CNTNAP3: variants seen among roughly 807,000 people sequenced by gnomAD.
The protein encoded by CNTNAP3 is contactin associated protein family member 3.
In CNTNAP3, 36 loss-of-function variants were observed where a neutral mutation model predicts 92.1. The observed-to-expected ratio is 0.39, with a 90% CI of 0.30 to 0.52. The LOEUF (loss-of-function observed/expected upper bound fraction) is 0.52. CNTNAP3 is among the 20% of genes least tolerant of loss of function. The pLI is 0.76. For missense variants in CNTNAP3, 534 were observed against 1,069.6 expected, an observed-to-expected ratio of 0.50 and a Z score of 6.98; for synonymous variants, 232 against 422.3, an observed-to-expected ratio of 0.55 and a Z score of 5.53.
intron 12 of CNTNAP3, 69 bp from the exon 13 acceptor site, chr9:39,133,204 C>A (rs1393995632): frequency 1.1e-5 from 16 of 1,496,150 alleles, no homozygotes; most frequent in African/African-American, 2.8e-5. Flanking sequence ...GCAAAGCAGA[C>A]CTGTCTTTTA....
intron 13 of CNTNAP3, among the ~76,000 whole-genome samples, chr9:39,121,968 A>T (rs1821033792): frequency 6.6e-6 from 1 of 152,096 alleles, no homozygotes; most frequent in Non-Finnish European, 1.5e-5. Flanking sequence ...TTCTTTTCTT[A>T]CCCAAGGGAA....
At chr9:39,210,246 GC>G (rs1822605850) in intron 3 of CNTNAP3, among the ~76,000 whole-genome samples, 1 of 24,778 alleles carries the variant, frequency 4.0e-5, no homozygotes, top group African/African-American at 6.7e-5. Context: ...CCCGAGAGCA[GC>G]CATTCCCCCA....
rs564510874 is a variant in CNTNAP3, at chr9:39,130,383, C to T, written c.2080+2549G>A. Reference sequence around the variant, plus strand: ...ATTACACAGAGTGAAAAAAACTCAACCACAAAGAGTACATACTATATAATT... The same window carrying T: ...ATTACACAGAGTGAAAAAAACTCAATCACAAAGAGTACATACTATATAATT... On this transcript the variant is annotated intron_variant, in intron 13 of 23. Transcript: ENST00000297668. Among the ~76,000 whole-genome samples, 127 of 151,746 alleles carry T rather than the reference C, an allele frequency of 8.4e-4. 1 individual carries two copies. Among genetic ancestry groups the T allele is most frequent in the African/African-American group, 2.9e-3 (120 of 41,338 alleles).
At chr9:39,136,265 G>A (rs1010951733) in intron 12 of CNTNAP3, among the ~76,000 whole-genome samples, 2 of 151,988 alleles carry the variant, frequency 1.3e-5, no homozygotes, top group African/African-American at 4.8e-5. Flanking sequence ...GGGATTGTCT[G>A]CACTTAAAAT....
In CNTNAP3 at chr9:39,105,255, G is replaced by A. The variant is rs577682061; in HGVS notation, c.2366-1341C>T. 1.8e-3 allele frequency among the ~76,000 whole-genome samples: 276 copies of A among 152,150 alleles called. 1 individual carries two copies. The highest frequency in any genetic ancestry group is 3.4e-3 in the Non-Finnish European group (231 of 67,988). ...ATCCTGGCTAACATGGTGAAACCCCGTCTCTACTAAAAATACAAAAAATTA... is the reference window on the plus strand; with the variant it reads ...ATCCTGGCTAACATGGTGAAACCCCATCTCTACTAAAAATACAAAAAATTA... On this transcript the variant is annotated intron_variant, in intron 15 of 23. Coordinates refer to ENST00000297668, the MANE Select transcript of CNTNAP3 (RefSeq NM_033655.5).
intron 12 of CNTNAP3, among the ~76,000 whole-genome samples, chr9:39,136,046 T>C (rs1012740002): frequency 4.6e-5 from 7 of 151,714 alleles, no homozygotes; most frequent in Non-Finnish European, 1.0e-4. Flanking sequence ...GAAGAATCGC[T>C]TGAACCTGGG....
intron 13 of CNTNAP3, among the ~76,000 whole-genome samples, chr9:39,132,726 C>T (rs1292944925): frequency 6.6e-6 from 1 of 152,150 alleles, no homozygotes; most frequent in Non-Finnish European, 1.5e-5. Context: ...CATATGAACG[C>T]GCTGAACGTC....
chr9:39,107,077 G>A (rs1432937893), intron 15 of CNTNAP3, among the ~76,000 whole-genome samples: 5 of 152,012 alleles, frequency 3.3e-5, no homozygotes, highest in African/African-American at 1.2e-4. Context: ...AGAGATGAAT[G>A]TCGAGAAGAA....
chr9:39,085,170 T>C (rs1826038785), intron 21 of CNTNAP3: 1 of 147,638 alleles, frequency 6.8e-6, no homozygotes, highest in Non-Finnish European at 1.5e-5. Flanking sequence ...TGATAGACAA[T>C]ATGATAGACA....
Position 39,118,129 on chromosome 9 carries a change from G to A in CNTNAP3, c.2211C>T (p.Cys737=). 6.2e-7 allele frequency: 1 copy of A among 1,608,804 alleles called. No individual in the cohort carries two copies. Among genetic ancestry groups the A allele is most frequent in the South Asian group, 1.1e-5 (1 of 90,726 alleles). The change falls in exon 14 of 24, where the codon TGC becomes TGT. Residue 737 remains cysteine, a synonymous_variant. Transcript: ENST00000297668. ...ATTCATTCCGGCCAGCATCACAGTTGCAGTAATACTGAGAATCAATGCAGT... is the reference window on the plus strand; with the variant it reads ...ATTCATTCCGGCCAGCATCACAGTTACAGTAATACTGAGAATCAATGCAGT... The part of the protein sequence containing the change: ...EGNCIDSQYY[C]NCDAGRNEWT...
intron 13 of CNTNAP3, among the ~76,000 whole-genome samples, chr9:39,128,332 A>G (rs1450662979): frequency 6.6e-6 from 1 of 152,126 alleles, no homozygotes; most frequent in African/African-American, 2.4e-5. Flanking sequence ...ATTTGAATGC[A>G]AAAATATTCA....
Position 39,073,198 on chromosome 9 carries a change from C to A in CNTNAP3, c.*692G>T, listed in dbSNP as rs1471695606. ...TTTCAACATTAAAATGTATCAAAATCATTAAAAACAGTCAATTAGAAAAAG... is the reference window on the plus strand; with the variant it reads ...TTTCAACATTAAAATGTATCAAAATAATTAAAAACAGTCAATTAGAAAAAG... On this transcript the variant is annotated 3_prime_UTR_variant, in exon 24 of 24. Coordinates refer to ENST00000297668, the MANE Select transcript of CNTNAP3 (RefSeq NM_033655.5). 6 of 157,784 alleles carry A rather than the reference C, an allele frequency of 3.8e-5. No individual in the cohort carries two copies. The highest frequency in any genetic ancestry group is 1.4e-4 in the African/African-American group (6 of 41,490). 9.8% of individuals were successfully genotyped at this position (157,784 alleles called of 1,614,324 possible). A position where few individuals can be genotyped will look rare whatever the true frequency, so the allele number is the denominator to read the frequency against.
intron 14 of CNTNAP3, among the ~76,000 whole-genome samples, chr9:39,110,118 G>A (rs903393785): frequency 1.1e-4 from 16 of 152,254 alleles, no homozygotes; most frequent in East Asian, 1.9e-4. Flanking sequence ...AACACAGGCC[G>A]GGCACAGTGG....
chr9:39,087,756 G>A (rs1344657322), intron 19 of CNTNAP3, among the ~76,000 whole-genome samples: 3 of 152,138 alleles, frequency 2.0e-5, no homozygotes, highest in South Asian at 2.1e-4. Flanking sequence ...AAAGTGCTGC[G>A]ATTACAGGCG....
chr9:39,125,346 T>C (rs1177846481), intron 13 of CNTNAP3, among the ~76,000 whole-genome samples: 3 of 147,680 alleles, frequency 2.0e-5, no homozygotes, highest in Non-Finnish European at 4.5e-5. Flanking sequence ...CATCACACAC[T>C]GGGGCCTGTC....
chr9:39,124,181 A>C (rs1248145080), intron 13 of CNTNAP3, among the ~76,000 whole-genome samples: 1 of 152,134 alleles, frequency 6.6e-6, no homozygotes, highest in Admixed American at 6.5e-5. Context: ...GTTATAAAGT[A>C]CCAGCACCAT....
At chr9:39,126,244 A>G (rs2118012938) in intron 13 of CNTNAP3, among the ~76,000 whole-genome samples, 1 of 152,298 alleles carries the variant, frequency 6.6e-6, no homozygotes, top group East Asian at 1.9e-4. Context: ...ATTTCTAAAT[A>G]ATAAAACATG....
At chr9:39,118,546 T>G (rs1021046048) in intron 13 of CNTNAP3, among the ~76,000 whole-genome samples, 3 of 152,090 alleles carry the variant, frequency 2.0e-5, no homozygotes, top group Non-Finnish European at 4.4e-5. Flanking sequence ...GAAATAACAT[T>G]CAAAAAAATT....
At chr9:39,087,587 C>T (rs529140367) in intron 19 of CNTNAP3, among the ~76,000 whole-genome samples, 129 of 152,076 alleles carry the variant, frequency 8.5e-4, no homozygotes, top group African/African-American at 3.0e-3. Flanking sequence ...CCTGGGTTCA[C>T]GCCATTCTCC....
Sources: allele counts gnomAD v4.1 joint callset (sites outside exome capture counted in the v4.1 genomes callset), GRCh38; gene constraint gnomAD v4.1.1; transcripts MANE v1.5; gene names NCBI Gene and HGNC (gene_info 2026-07-23, HGNC 2026-07-21).